FGD5: variants seen among roughly 807,000 people sequenced by gnomAD.
The protein encoded by FGD5 is FYVE, RhoGEF and PH domain containing 5, also known as FYVE, RhoGEF and PH domain-containing protein 5.
FGD5 carries 28 observed loss-of-function variants against 133.4 expected under a neutral mutation model. The ratio of observed to expected loss-of-function variants is 0.21; its 90% confidence interval spans 0.16 to 0.29. FGD5 has a LOEUF of 0.29. Among genes scored for constraint, FGD5 ranks in the 10% least tolerant of loss-of-function variants. FGD5 has a pLI of 1.00. For synonymous variants in FGD5, 810 were observed against 776.5 expected (o/e 1.04, Z -0.72); for missense variants, 1,858 against 1,895.2 (o/e 0.98, Z 0.36).
chr3:14,864,374 C>CCCTGCAT, intron 2 of FGD5, 114 bp downstream of exon 2: 1 of 1,518,812 alleles, frequency 6.6e-7, no homozygotes, highest in Non-Finnish European at 9.0e-7. Flanking sequence ...GATAGCTGGC[C>CCCTGCAT]CCAGCTGGAT....
At chr3:14,931,735 T>C (rs977913964) in intron 18 of FGD5, 9 of 152,248 alleles carry the variant, frequency 5.9e-5, no homozygotes, top group Admixed American at 5.9e-4. Flanking sequence ...AGCAACTTTA[T>C]AGCACAGACA....
Position 14,819,260 on chromosome 3 carries a change from G to C in FGD5, c.189G>C (p.Glu63Asp). The C allele has an allele frequency of 6.5e-7, 1 of 1,536,280 alleles. No individual in the cohort carries two copies. The highest frequency in any genetic ancestry group is 8.8e-7 in the Non-Finnish European group (1 of 1,139,474). ...IPKCSESETD[E>D]DYIVVPRVPL... ...AGTGCTCTGAGTCGGAGACCGACGA[G>C]GATTACATCGTGGTCCCCAGGGTTC... The change falls in exon 1 of 20, where the codon GAG (glutamate) becomes GAC (aspartate). Residue 63 changes from glutamate (E) to aspartate (D), a missense_variant. Physicochemically the swap from Glu to Asp is conservative, Grantham distance 45 (BLOSUM62 2). Around this residue, in one of 3 missense-constraint regions of FGD5, gnomAD observed 1,824 missense variants for 1,848.9 expected, o/e 0.99. Coordinates refer to ENST00000285046, the MANE Select transcript of FGD5 (RefSeq NM_152536.4). The surrounding 1 kb of genome is among the most constrained non-coding windows in gnomAD (Gnocchi z 4.1).
Position 14,819,928 on chromosome 3 carries a change from C to G in FGD5, c.857C>G (p.Thr286Arg), listed in dbSNP as rs200936235. 3 of 1,613,916 alleles carry G rather than the reference C, an allele frequency of 1.9e-6. No homozygotes were observed. The highest frequency in any genetic ancestry group is 2.5e-6 in the Non-Finnish European group (3 of 1,179,878). ...EEGCEEATGV[T>R]GGEQVDLSEP... ...GGATGTGAAGAGGCCACGGGTGTCA[C>G]AGGTGGGGAACAGGTTGACCTCAGT... The change falls in exon 1 of 20, where the codon ACA becomes AGA. Residue 286 changes from threonine to arginine, a missense_variant. Thr to Arg is a moderately conservative substitution (Grantham distance 71). Around this residue, in one of 3 missense-constraint regions of FGD5, gnomAD observed 1,824 missense variants for 1,848.9 expected, o/e 0.99. Transcript: ENST00000285046. The surrounding 1 kb of genome is among the most constrained non-coding windows in gnomAD (Gnocchi z 4.1).
chr3:14,875,973 G>C (rs1457444853), intron 2 of FGD5, among the ~76,000 whole-genome samples: 3 of 152,172 alleles, frequency 2.0e-5, no homozygotes, highest in Non-Finnish European at 4.4e-5. Flanking sequence ...GACTGGCAGA[G>C]ACCAGTGAAA....
chr3:14,900,541 C>T, intron 8 of FGD5, 88 bp downstream of exon 8: 1 of 1,479,918 alleles, frequency 6.8e-7, no homozygotes, highest in Non-Finnish European at 9.3e-7. Flanking sequence ...ATTCCAAGGC[C>T]CAGGATATAG....
intron 5 of FGD5, 135 bp downstream of exon 5, chr3:14,897,804 G>T: frequency 6.9e-7 from 1 of 1,457,410 alleles, no homozygotes; most frequent in Non-Finnish European, 9.2e-7. Flanking sequence ...TAAGTCATTT[G>T]CTCAAAGTAA....
chr3:14,862,108 G>C (rs2125103213), intron 1 of FGD5, among the ~76,000 whole-genome samples: 1 of 152,286 alleles, frequency 6.6e-6, no homozygotes, highest in East Asian at 1.9e-4. Context: ...CATAGTGGCT[G>C]TGCTAGGAGA....
chr3:14,932,846 T>G (rs763652000), intron 19 of FGD5, 115 bp downstream of exon 19: 223 of 1,254,084 alleles, frequency 1.8e-4, no homozygotes, highest in Non-Finnish European at 2.4e-4. Flanking sequence ...TTAGGTCCCT[T>G]TGGGCCATAG....
chr3:14,843,237 G>C (rs2036958878), intron 1 of FGD5, among the ~76,000 whole-genome samples: 1 of 152,126 alleles, frequency 6.6e-6, no homozygotes, highest in African/African-American at 2.4e-5. Context: ...CACATAGCAG[G>C]GTCTCCATAT....
At chr3:14,906,404 G>A (rs145099405) in intron 9 of FGD5, among the ~76,000 whole-genome samples, 30 of 152,318 alleles carry the variant, frequency 2.0e-4, no homozygotes, top group African/African-American at 2.4e-4. Context: ...TATCGCCCCC[G>A]TCCTAGGGTG....
At chr3:14,827,925 C>T (rs1179724644) in intron 1 of FGD5, among the ~76,000 whole-genome samples, 1 of 152,190 alleles carries the variant, frequency 6.6e-6, no homozygotes, top group Admixed American at 6.5e-5. Context: ...GATTCTGCTC[C>T]GCCAGCCCAG....
chr3:14,897,625 T>C lies in FGD5; in HGVS notation c.2865T>C (p.Leu955=). ...GTGAACTCCCAGCCATCCACGACCT[T>C]CATCAAGGCATCCTGGAGGAGCTGG... ...GLSELPAIHD[L]HQGILEELEE... The change falls in exon 5 of 20, where the codon CTT becomes CTC. Residue 955 remains leucine (L), a synonymous_variant. Transcript: ENST00000285046. 3 of 1,606,926 alleles carry C rather than the reference T, an allele frequency of 1.9e-6. No homozygotes were observed. The highest frequency in any genetic ancestry group is 2.5e-6 in the Non-Finnish European group (3 of 1,176,736).
At chr3:14,887,063 C>A (rs1472627139) in intron 4 of FGD5, among the ~76,000 whole-genome samples, 1 of 152,176 alleles carries the variant, frequency 6.6e-6, no homozygotes, top group African/African-American at 2.4e-5. Flanking sequence ...CTGACGGATC[C>A]TGTTGAGTCT....
chr3:14,858,963 G>T (rs1472708732), intron 1 of FGD5, among the ~76,000 whole-genome samples: 1 of 152,152 alleles, frequency 6.6e-6, no homozygotes, highest in Non-Finnish European at 1.5e-5. Context: ...AGAACGTTTT[G>T]ATTTGTTTAT....
rs1445653717 is a variant in FGD5, at chr3:14,819,831, C to G, written c.760C>G (p.Pro254Ala). The G allele has an allele frequency of 6.2e-7, 1 of 1,605,152 alleles. No homozygotes were observed. Among genetic ancestry groups the G allele is most frequent in the East Asian group, 2.2e-5 (1 of 44,580 alleles). ...QDAEDTSEEPPEKEELAGVQE... is the reference protein window; with the variant it reads ...QDAEDTSEEPAEKEELAGVQE... Reference sequence around the variant, plus strand: ...TGCTGAGGACACCAGTGAGGAGCCCCCTGAGAAGGAGGAGCTGGCCGGGGT... The same window carrying G: ...TGCTGAGGACACCAGTGAGGAGCCCGCTGAGAAGGAGGAGCTGGCCGGGGT... Residue 254 changes from proline (P) to alanine (A), a missense_variant, in exon 1 of 20, where the codon CCT becomes GCT. Around this residue, in one of 3 missense-constraint regions of FGD5, gnomAD observed 1,824 missense variants for 1,848.9 expected, o/e 0.99. Coordinates refer to ENST00000285046, the MANE Select transcript of FGD5 (RefSeq NM_152536.4). This position sits in a 1 kb window ranked among gnomAD's most constrained non-coding sequence, Gnocchi z 4.1.
intron 1 of FGD5, among the ~76,000 whole-genome samples, chr3:14,847,768 G>A (rs1330464536): frequency 6.6e-6 from 1 of 152,316 alleles, no homozygotes; most frequent in Non-Finnish European, 1.5e-5. Flanking sequence ...TCTCACCTTC[G>A]AGAGCTCAGT....
intron 4 of FGD5, among the ~76,000 whole-genome samples, chr3:14,881,295 A>ACAGCCTGAACAT (rs59517300): frequency 0.83 from 125,760 of 151,948 alleles, 52,306 homozygotes; most frequent in East Asian, 0.98. Flanking sequence ...AGACTTGGGG[A>ACAGCCTGAACAT]CAGGCACTGC....
chr3:14,922,092 C>A lies in FGD5; in HGVS notation c.3669+75C>A. ...TTCCCTGGGCGGGCATTGCTGTTGC[C>A]ACTCACACCCAGATGGACGTGTAGC... is the stretch of plus-strand genomic sequence containing the variant. On this transcript the variant is annotated intron_variant, in intron 14 of 19. Coordinates refer to ENST00000285046, the MANE Select transcript of FGD5 (RefSeq NM_152536.4). This position sits in a 1 kb window ranked among gnomAD's most constrained non-coding sequence, Gnocchi z 4.1. 1 of 1,416,258 alleles carries A rather than the reference C, an allele frequency of 7.1e-7. No individual in the cohort carries two copies. The highest frequency in any genetic ancestry group is 9.7e-7 in the Non-Finnish European group (1 of 1,027,596). 87.7% of individuals were successfully genotyped at this position (1,416,258 alleles called of 1,614,324 possible).
rs942177042 is a variant in FGD5, at chr3:14,922,073, G to C, written c.3669+56G>C. The C allele has an allele frequency of 6.6e-7, 1 of 1,524,972 alleles. No homozygotes were observed. Among genetic ancestry groups the C allele is most frequent in the Admixed American group, 2.0e-5 (1 of 50,950 alleles). The allele number at this position is 1,524,972 out of a possible 1,614,324, so 94.5% of individuals were successfully genotyped here. ...CAGCTTCAGAGACCTGGGGTTCCCT[G>C]GGCGGGCATTGCTGTTGCCACTCAC... On this transcript the variant is annotated intron_variant, in intron 14 of 19. Coordinates refer to ENST00000285046, the MANE Select transcript of FGD5 (RefSeq NM_152536.4). The surrounding 1 kb of genome is among the most constrained non-coding windows in gnomAD (Gnocchi z 4.1).
Sources: gnomAD v4.1 joint callset for allele counts (sites outside exome capture counted in the v4.1 genomes callset) on GRCh38, gnomAD v4.1.1 for gene constraint, gnomAD v4.1.1 regional missense constraint, Gnocchi (gnomAD v3.1) non-coding constraint, MANE v1.5 for transcripts, NCBI Gene and HGNC (gene_info 2026-07-23, HGNC 2026-07-21) for gene names.